The following SELENOO variants were observed in gnomAD, a reference collection of about 807,000 sequenced individuals.
The protein encoded by SELENOO is protein adenylyltransferase SelO, mitochondrial.
In SELENOO, 74 loss-of-function variants were observed where a neutral mutation model predicts 58.7. The ratio of observed to expected loss-of-function variants is 1.26; its 90% CI spans 1.04 to 1.53. The LOEUF is 1.53. Ranked by LOEUF, SELENOO falls within the 40% of genes most tolerant of loss-of-function variation. The pLI is 0.00. For missense variants in SELENOO, 1,149 were observed against 970.0 expected (o/e 1.18, Z -2.45); for synonymous variants, 543 against 453.2 (o/e 1.20, Z -2.52).
chr22:50,210,363 G>T lies in SELENOO; in HGVS notation c.1070+52G>T, dbSNP rs80199909. The T allele has an allele frequency of 2.5e-6, 4 of 1,585,760 alleles. No homozygotes were observed. The East Asian group carries it at 6.7e-5, about 27-fold the overall frequency. ...TGCAGGCCCCAGGGCTGGGGGGTGC[G>T]GGCTGCATGAAACCTGCTGCCCCCA... On this transcript the variant is annotated intron_variant, in intron 4 of 8. Transcript: ENST00000380903.
In SELENOO at chr22:50,216,701, A is replaced by G; in HGVS notation, c.1513A>G (p.Met505Val). The G allele has an allele frequency of 1.0e-5, 16 of 1,592,862 alleles. No individual in the cohort carries two copies. Among genetic ancestry groups the G allele is most frequent in the Non-Finnish European group, 1.4e-5 (16 of 1,173,094 alleles). Residue 505 changes from methionine to valine, a missense_variant, in exon 7 of 9, where the codon ATG (methionine) becomes GTG (valine). Physicochemically the swap from Met to Val is conservative, Grantham distance 21. Coordinates refer to ENST00000380903, the MANE Select transcript of SELENOO (RefSeq NM_031454.2). ...CTGGCCTCTCCACAGGCAGCTATCC[A>G]TGATGCTGATGCTGGCGCAGTCAAA... ...RPQMDPRQLS[M>V]MLMLAQSNPQ...
chr22:50,208,611 C>T lies in SELENOO; in HGVS notation c.834C>T (p.Asp278=). Residue 278 remains aspartate (D), a synonymous_variant, in exon 3 of 9, where the codon GAC becomes GAT. Coordinates refer to ENST00000380903, the MANE Select transcript of SELENOO (RefSeq NM_031454.2). ...GRAGPSVGRN[D]IRVQLLDYVI... is the part of the protein sequence containing the mutation. ...CAGGCCCCAGCGTGGGGAGGAACGACATTCGAGTGCAGCTGCTCGACTATG... is the reference window on the plus strand; with the variant it reads ...CAGGCCCCAGCGTGGGGAGGAACGATATTCGAGTGCAGCTGCTCGACTATG... 6 of 1,613,976 alleles carry T rather than the reference C, an allele frequency of 3.7e-6. No individual in the cohort carries two copies. The highest frequency in any genetic ancestry group is 5.1e-6 in the Non-Finnish European group (6 of 1,180,004).
chr22:50,203,925 A>G (rs2147157302), intron 1 of SELENOO, among the ~76,000 whole-genome samples: 1 of 152,346 alleles, frequency 6.6e-6, no homozygotes, highest in East Asian at 1.9e-4. Flanking sequence ...GGGAGGAAAC[A>G]TTTGCAATTC....
chr22:50,207,186 G>C (rs1289994359), intron 2 of SELENOO, among the ~76,000 whole-genome samples: 2 of 151,994 alleles, frequency 1.3e-5, no homozygotes, highest in East Asian at 3.9e-4. Flanking sequence ...GCAGTGGCGT[G>C]ATCTTGGCTC....
rs2147154900 is a variant in SELENOO, at chr22:50,201,220, G to A, written c.184G>A (p.Ala62Thr). Residue 62 changes from alanine to threonine, a missense_variant, in exon 1 of 9, where the codon GCG becomes ACG. By Grantham distance (58) the Ala-to-Thr change is moderately conservative. Coordinates refer to ENST00000380903, the MANE Select transcript of SELENOO (RefSeq NM_031454.2). Reference protein sequence around the residue: ...NRALRALPVEAPPPGPEGAPS... With the variant: ...NRALRALPVETPPPGPEGAPS... Reference sequence around the variant, plus strand: ...CGCCCTGCGCGCCCTGCCCGTGGAGGCGCCGCCGCCCGGTCCCGAGGGCGC... The same window carrying A: ...CGCCCTGCGCGCCCTGCCCGTGGAGACGCCGCCGCCCGGTCCCGAGGGCGC... 1.7e-6 allele frequency: 2 copies of A among 1,166,926 alleles called. No homozygotes were observed. Among genetic ancestry groups the A allele is most frequent in the South Asian group, 8.3e-5 (2 of 24,162 alleles). The allele number at this position is 1,166,926 out of a possible 1,614,324, so 72.3% of individuals were successfully genotyped here. A position where few individuals can be genotyped will look rare whatever the true frequency, so the allele number is the denominator to read the frequency against.
At chr22:50,205,310 C>T (rs923626182) in intron 1 of SELENOO, among the ~76,000 whole-genome samples, 2 of 152,228 alleles carry the variant, frequency 1.3e-5, no homozygotes, top group African/African-American at 2.4e-5. Flanking sequence ...ATGGGCCGGG[C>T]GCAGTGGCTC....
chr22:50,204,003 A>C (rs1382205885), intron 1 of SELENOO, among the ~76,000 whole-genome samples: 1 of 152,254 alleles, frequency 6.6e-6, no homozygotes, highest in Non-Finnish European at 1.5e-5. Context: ...ACAGGAAAAA[A>C]AAATTCAAAA....
chr22:50,216,629 G>A, intron 6 of SELENOO, 62 bp from the exon 7 acceptor site: 2 of 1,446,290 alleles, frequency 1.4e-6, no homozygotes, highest in Non-Finnish European at 1.9e-6. Context: ...AGGCGGAGCA[G>A]CTGCCTGCAG....
intron 5 of SELENOO, among the ~76,000 whole-genome samples, chr22:50,213,446 GCTTAT>G (rs1433739819): frequency 1.3e-5 from 2 of 152,168 alleles, no homozygotes; most frequent in African/African-American, 2.4e-5. Context: ...TTGTTTTGTG[GCTTAT>G]CTTGGAGAAC....
At chr22:50,201,636 G>A in intron 1 of SELENOO, 46 bp downstream of exon 1, 3 of 1,211,438 alleles carry the variant, frequency 2.5e-6, no homozygotes, top group Non-Finnish European at 3.1e-6. Context: ...TCCCCGCCGG[G>A]GCGCCCCTTC....
At chr22:50,212,600 C>G (rs183570024) in intron 5 of SELENOO, among the ~76,000 whole-genome samples, 7 of 152,324 alleles carry the variant, frequency 4.6e-5, no homozygotes, top group Non-Finnish European at 8.8e-5. Context: ...GAGCCGGTTA[C>G]CAGCTCCCCA....
At chr22:50,210,523 G>A in intron 4 of SELENOO, 108 bp from the exon 5 acceptor site, 15 of 1,525,980 alleles carry the variant, frequency 9.8e-6, no homozygotes, top group South Asian at 1.2e-5. Flanking sequence ...GGGCCAGAGA[G>A]CCACGGCCAC....
chr22:50,205,259 G>A (rs150942078), intron 1 of SELENOO, among the ~76,000 whole-genome samples: 1 of 152,078 alleles, frequency 6.6e-6, no homozygotes, highest in Non-Finnish European at 1.5e-5. Flanking sequence ...CATTATGAAC[G>A]TATTTAATAG....
At chr22:50,208,183 G>A (rs781212703) in intron 2 of SELENOO, among the ~76,000 whole-genome samples, 4 of 152,200 alleles carry the variant, frequency 2.6e-5, no homozygotes, top group African/African-American at 9.6e-5. Context: ...TGTAATCCCA[G>A]CACTTTGGGA....
Position 50,217,376 on chromosome 22 carries a change from C to G in SELENOO, c.*7C>G. On this transcript the variant is annotated 3_prime_UTR_variant, in exon 9 of 9. Transcript: ENST00000380903. ...CGTGACATGATCTTCGTAACGGCCT[C>G]GGCACGCTCCACACCCCTGGAGTCT... is the stretch of plus-strand genomic sequence containing the variant. 1 of 1,612,456 alleles carries G rather than the reference C, an allele frequency of 6.2e-7. No homozygotes were observed. The highest frequency in any genetic ancestry group is 8.5e-7 in the Non-Finnish European group (1 of 1,179,828).
Position 50,217,014 on chromosome 22 carries a change from C to A in SELENOO, c.1731C>A (p.Ala577=). Residue 577 remains alanine (A), a synonymous_variant, in exon 8 of 9, where the codon GCC becomes GCA. Coordinates refer to ENST00000380903, the MANE Select transcript of SELENOO (RefSeq NM_031454.2). ...ACCTGGAAGGCGCTGGGGACGCTGC[C>A]GCCTGGCAGGCTGAGCACGTGCGCG... is the stretch of plus-strand genomic sequence containing the variant. ...DKDLEGAGDA[A]AWQAEHVRVM... 1.2e-6 allele frequency: 2 copies of A among 1,611,648 alleles called. No individual in the cohort carries two copies. The highest frequency in any genetic ancestry group is 1.7e-6 in the Non-Finnish European group (2 of 1,179,738).
intron 1 of SELENOO, chr22:50,206,067 G>A: frequency 1.8e-6 from 1 of 569,878 alleles, no homozygotes; most frequent in Non-Finnish European, 3.1e-6. Context: ...CAGGAAGACG[G>A]GCTGCTGCGT....
At chr22:50,216,200 C>T (rs1464328420) in intron 6 of SELENOO, among the ~76,000 whole-genome samples, 1 of 152,218 alleles carries the variant, frequency 6.6e-6, no homozygotes, top group Non-Finnish European at 1.5e-5. Context: ...AAGGGCTGCC[C>T]TGTCTGAAGA....
intron 3 of SELENOO, 76 bp from the exon 4 acceptor site, chr22:50,210,105 G>A (rs569960892): frequency 6.5e-7 from 1 of 1,543,916 alleles, no homozygotes; most frequent in South Asian, 1.2e-5. Flanking sequence ...CGGTTTCAGG[G>A]AGGGGAAGGA....
Sources: allele counts gnomAD v4.1 joint callset (sites outside exome capture counted in the v4.1 genomes callset), GRCh38; gene constraint gnomAD v4.1.1; transcripts MANE v1.5; gene names NCBI Gene and HGNC (gene_info 2026-07-23, HGNC 2026-07-21).